The following NLGN1 variants were observed in gnomAD, a reference collection of about 807,000 sequenced individuals.
NLGN1 encodes the protein neuroligin 1.
Under a neutral mutation model 65.5 loss-of-function variants are expected in NLGN1, and 12 were observed. The ratio of observed to expected loss-of-function variants is 0.18; its 90% CI spans 0.12 to 0.30. The LOEUF is 0.30. NLGN1 is among the 10% of genes least tolerant of loss of function. NLGN1 has a pLI of 1.00. For missense variants in NLGN1, 750 were observed against 1,007.1 expected (o/e 0.74, Z 3.46); for synonymous variants, 350 against 359.5 (o/e 0.97, Z 0.30).
chr3:173,644,064 C>G (rs1230653254), intron 3 of NLGN1, among the ~76,000 whole-genome samples: 1 of 152,174 alleles, frequency 6.6e-6, no homozygotes, highest in Non-Finnish European at 1.5e-5. Context: ...AAAGGTTAAC[C>G]TGGGACACTC....
At chr3:174,196,007 C>G (rs1216677478) in intron 4 of NLGN1, among the ~76,000 whole-genome samples, 1 of 152,056 alleles carries the variant, frequency 6.6e-6, no homozygotes, top group East Asian at 1.9e-4. Flanking sequence ...GAGGATAAAG[C>G]AGGAGGGGCA....
chr3:173,794,517 G>T (rs1482563096), intron 3 of NLGN1, among the ~76,000 whole-genome samples: 1 of 152,038 alleles, frequency 6.6e-6, no homozygotes, highest in African/African-American at 2.4e-5. Flanking sequence ...CCTGCTCTAG[G>T]TGCAACTTTG....
chr3:174,244,317 C>T (rs1743405822), intron 4 of NLGN1, among the ~76,000 whole-genome samples: 2 of 152,046 alleles, frequency 1.3e-5, no homozygotes, highest in South Asian at 4.1e-4. Flanking sequence ...TTAAAAAGGT[C>T]AAATATGATG....
chr3:173,792,455 A>G (rs1292040603), intron 3 of NLGN1, among the ~76,000 whole-genome samples: 2 of 152,142 alleles, frequency 1.3e-5, no homozygotes, highest in Non-Finnish European at 2.9e-5. Flanking sequence ...CTTTCTTTTC[A>G]ATGTGAAATA....
chr3:174,259,805 G>A lies in NLGN1; in HGVS notation c.647-15510G>A, dbSNP rs542596826. ...CCCACTAAATCGTCATCTAGCATTA[G>A]GTATATCTCCCAATGCTATCCCTCC... is the stretch of plus-strand genomic sequence containing the variant. On this transcript the variant is annotated intron_variant, in intron 4 of 6. Coordinates refer to ENST00000457714, the Ensembl canonical transcript of NLGN1. Among the ~76,000 whole-genome samples, 93 of 150,560 alleles carry A rather than the reference G, an allele frequency of 6.2e-4. 1 individual carries two copies. The East Asian group carries it at 0.017, about 28-fold the overall frequency.
rs942786236 is a variant in NLGN1 at position 173,586,241 on chromosome 3, T to C, written c.-320-18038T>C. Among the ~76,000 whole-genome samples, 5 of 152,222 alleles carry C rather than the reference T, an allele frequency of 3.3e-5. No homozygotes were observed. The South Asian group carries it at 1.0e-3, about 31-fold the overall frequency. On this transcript the variant is annotated intron_variant, in intron 2 of 6. Coordinates refer to ENST00000457714, the Ensembl canonical transcript of NLGN1. ...AAAACATACATTTTGTATGTTCTAATCTTTAGAATAAAAGTGTTACCTTTT... is the reference window on the plus strand; with the variant it reads ...AAAACATACATTTTGTATGTTCTAACCTTTAGAATAAAAGTGTTACCTTTT...
At chr3:173,544,291 T>TGTGTGTGTGTGTGA (rs1331718910) in intron 2 of NLGN1, among the ~76,000 whole-genome samples, 1 of 151,318 alleles carries the variant, frequency 6.6e-6, no homozygotes, top group African/African-American at 2.4e-5. Flanking sequence ...TGTGTGTGTG[T>TGTGTGTGTGTGTGA]GAATTACTCT....
chr3:173,518,410 A>G, intron 2 of NLGN1, among the ~76,000 whole-genome samples: 1 of 151,412 alleles, frequency 6.6e-6, no homozygotes, highest in Admixed American at 6.6e-5. Flanking sequence ...ATATACATAT[A>G]TAGTTACATT....
chr3:173,675,735 G>A (rs1763036856), intron 3 of NLGN1, among the ~76,000 whole-genome samples: 1 of 151,962 alleles, frequency 6.6e-6, no homozygotes, highest in African/African-American at 2.4e-5. Flanking sequence ...TGCAAAACAA[G>A]GATCTTTATT....
intron 3 of NLGN1, among the ~76,000 whole-genome samples, chr3:173,744,229 A>AAT (rs1372462126): frequency 6.6e-6 from 1 of 152,106 alleles, no homozygotes; most frequent in Admixed American, 6.6e-5. Context: ...TGTCATGAGA[A>AAT]ATATATAACA....
At chr3:173,397,283 C>T (rs1440825854), upstream of NLGN1, among the ~76,000 whole-genome samples, 1 of 152,172 alleles carries the variant, frequency 6.6e-6, no homozygotes, top group Admixed American at 6.5e-5. Context: ...CGAGACGAAG[C>T]CGTGTCTAAA....
At chr3:173,444,726 A>C (rs908643763) in intron 2 of NLGN1, among the ~76,000 whole-genome samples, 1 of 152,030 alleles carries the variant, frequency 6.6e-6, no homozygotes, top group African/African-American at 2.4e-5. Flanking sequence ...GTGTCTATCT[A>C]TCTATCTATA....
chr3:173,979,170 G>A (rs1718209330), intron 4 of NLGN1, among the ~76,000 whole-genome samples: 1 of 151,994 alleles, frequency 6.6e-6, no homozygotes, highest in Non-Finnish European at 1.5e-5. Flanking sequence ...GGAGTGAATG[G>A]GGAAGCAAGA....
intron 4 of NLGN1, among the ~76,000 whole-genome samples, chr3:173,983,721 A>G (rs77567641): frequency 0.021 from 3,233 of 152,142 alleles, 105 homozygotes; most frequent in African/African-American, 0.074. Flanking sequence ...GTTCCCCCTC[A>G]TTCAGGTCTC....
At chr3:173,445,136 C>T (rs960501996) in intron 2 of NLGN1, among the ~76,000 whole-genome samples, 3 of 150,278 alleles carry the variant, frequency 2.0e-5, no homozygotes, top group Admixed American at 6.6e-5. Context: ...GGCGTAGTGG[C>T]GGGCGCCTGT....
At chr3:173,655,621 G>A (rs1023717257) in intron 3 of NLGN1, among the ~76,000 whole-genome samples, 6 of 151,724 alleles carry the variant, frequency 4.0e-5, no homozygotes, top group South Asian at 4.2e-4. Flanking sequence ...CTTTCTTCAC[G>A]TTGAAATTAT....
chr3:174,180,581 T>C (rs889762476), intron 4 of NLGN1, among the ~76,000 whole-genome samples: 1 of 152,086 alleles, frequency 6.6e-6, no homozygotes, highest in African/African-American at 2.4e-5. Flanking sequence ...TTAAGCAAGT[T>C]TGGGGAAACA....
chr3:173,426,094 T>G (rs1220106494), intron 1 of NLGN1, among the ~76,000 whole-genome samples: 3 of 152,168 alleles, frequency 2.0e-5, no homozygotes. Context: ...GTAACTATTA[T>G]AAATGGAATT....
At chr3:173,821,239 G>C (rs1720233082) in intron 4 of NLGN1, among the ~76,000 whole-genome samples, 1 of 152,108 alleles carries the variant, frequency 6.6e-6, no homozygotes, top group South Asian at 2.1e-4. Flanking sequence ...TCTAGTATTT[G>C]CTAGCTTCTT....
Sources: allele counts gnomAD v4.1 joint callset (sites outside exome capture counted in the v4.1 genomes callset), GRCh38; gene constraint gnomAD v4.1.1; transcripts MANE v1.5; gene names NCBI Gene and HGNC (gene_info 2026-07-23, HGNC 2026-07-21).